The following BAZ1A variants were observed in gnomAD, a reference collection of about 807,000 sequenced individuals.
BAZ1A encodes the protein bromodomain adjacent to zinc finger domain protein 1A.
BAZ1A carries 50 observed loss-of-function variants against 185.2 expected under a neutral mutation model. The ratio of observed to expected loss-of-function variants is 0.27; its 90% CI spans 0.22 to 0.34. BAZ1A has a LOEUF of 0.34. Ranked by LOEUF, BAZ1A falls within the 10% of genes least tolerant of loss-of-function variation. The pLI is 1.00. For synonymous variants in BAZ1A, 571 were observed against 615.6 expected (o/e 0.93, Z 1.07); for missense variants, 1,356 against 1,839.9 (o/e 0.74, Z 4.81).
intron 3 of BAZ1A, among the ~76,000 whole-genome samples, chr14:34,853,911 T>C (rs543469424): frequency 3.9e-5 from 6 of 152,264 alleles, no homozygotes; most frequent in Non-Finnish European, 5.9e-5. Flanking sequence ...ATCTGATTTC[T>C]CTGTAATTCT....
rs904610386 is a variant in BAZ1A at position 34,826,109 on chromosome 14, C to G, written c.440G>C (p.Gly147Ala). 1.9e-6 allele frequency: 3 copies of G among 1,612,708 alleles called. No individual in the cohort carries two copies. Among genetic ancestry groups the G allele is most frequent in the Non-Finnish European group, 2.5e-6 (3 of 1,179,382 alleles). ...ACTGTTAACATGTCCATTAGCAAAA[C>G]CATTTTGATGTGATGGAGGGAGGAC... ...LEVLPPSHQN[G>A]FANGHVNSVD... The change falls in exon 4 of 27, where the codon GGT (glycine) becomes GCT (alanine). Residue 147 changes from glycine to alanine, a missense_variant. Physicochemically the swap from Gly to Ala is moderately conservative, Grantham distance 60 (BLOSUM62 0). This residue lies in a region of BAZ1A where 332 missense variants were observed against 395.3 expected (regional missense o/e 0.84). Coordinates refer to ENST00000360310, the MANE Select transcript of BAZ1A (RefSeq NM_013448.3).
At chr14:34,799,908 C>T (rs1437161440) in intron 9 of BAZ1A, among the ~76,000 whole-genome samples, 1 of 152,064 alleles carries the variant, frequency 6.6e-6, no homozygotes, top group Non-Finnish European at 1.5e-5. Context: ...CTGCACCCGG[C>T]CTATTTTATT....
At chr14:34,777,633 G>T (rs4982209) in intron 17 of BAZ1A, among the ~76,000 whole-genome samples, 14 of 146,814 alleles carry the variant, frequency 9.5e-5, no homozygotes, top group Admixed American at 9.5e-4. Context: ...GATAGAGTGA[G>T]ACTCTGTCTC....
intron 5 of BAZ1A, among the ~76,000 whole-genome samples, chr14:34,809,895 A>ATT (rs1161879390): frequency 1.3e-5 from 2 of 152,190 alleles, no homozygotes; most frequent in Non-Finnish European, 2.9e-5. Flanking sequence ...TAGCCCATAA[A>ATT]CTAAACAAAT....
intron 4 of BAZ1A, among the ~76,000 whole-genome samples, chr14:34,817,033 AAGC>A (rs2138691573): frequency 6.6e-6 from 1 of 152,324 alleles, no homozygotes; most frequent in East Asian, 1.9e-4. Context: ...AAATTATTGA[AAGC>A]AGACACAATA....
At chr14:34,758,230 C>A (rs66682958) in intron 25 of BAZ1A, among the ~76,000 whole-genome samples, 4 of 151,506 alleles carry the variant, frequency 2.6e-5, no homozygotes, top group Admixed American at 1.3e-4. Flanking sequence ...TGCAGCGAAC[C>A]AAAATATGCC....
rs893934772 is a variant in BAZ1A, at chr14:34,784,505, C to T, written c.1832-578G>A. ...AATTTTGTAATTACAAATTGGTTTT[C>T]AAGTTTTTTTTTGTTTGTTTTTGTT... On this transcript the variant is annotated intron_variant, in intron 14 of 26. Coordinates refer to ENST00000360310, the MANE Select transcript of BAZ1A (RefSeq NM_013448.3). Among the ~76,000 whole-genome samples, 60 of 149,296 alleles carry T rather than the reference C, an allele frequency of 4.0e-4. 1 individual carries two copies. In the Middle Eastern group the frequency reaches 0.011, roughly 27 times the overall value.
chr14:34,849,055 T>C (rs2042558677), intron 3 of BAZ1A, among the ~76,000 whole-genome samples: 2 of 152,068 alleles, frequency 1.3e-5, no homozygotes, highest in Admixed American at 1.3e-4. Context: ...TCCCAGCACT[T>C]TCAGGAGGCT....
intron 23 of BAZ1A, among the ~76,000 whole-genome samples, chr14:34,764,030 AG>A (rs1312549221): frequency 6.6e-6 from 1 of 152,164 alleles, no homozygotes; most frequent in Non-Finnish European, 1.5e-5. Flanking sequence ...CTGCCACAGA[AG>A]GAATATCCAG....
At chr14:34,825,447 C>CAAAAAAAAAAAA (rs35449855) in intron 4 of BAZ1A, among the ~76,000 whole-genome samples, 22 of 55,424 alleles carry the variant, frequency 4.0e-4, no homozygotes, top group Non-Finnish European at 5.7e-4. Context: ...AACTCTGTCT[C>CAAAAAAAAAAAA]AAAAAAAAAA....
In BAZ1A at chr14:34,875,315, C is replaced by G; in HGVS notation, c.-236G>C. 1 of 456,030 alleles carries G rather than the reference C, an allele frequency of 2.2e-6. No homozygotes were observed. Among genetic ancestry groups the G allele is most frequent in the Non-Finnish European group, 4.4e-6 (1 of 226,760 alleles). The allele number at this position is 456,030 out of a possible 1,614,324, so 28.2% of individuals were successfully genotyped here. A position where few individuals can be genotyped will look rare whatever the true frequency, so the allele number is the denominator to read the frequency against. On this transcript the variant is annotated 5_prime_UTR_variant, in exon 1 of 27. Coordinates refer to ENST00000360310, the MANE Select transcript of BAZ1A (RefSeq NM_013448.3). Reference sequence around the variant, plus strand: ...TTGCGTCCCACCGCCACTTCCCCGCCTCTCGGAGCTCCTGGGAAGTTTCTG... The same window carrying G: ...TTGCGTCCCACCGCCACTTCCCCGCGTCTCGGAGCTCCTGGGAAGTTTCTG...
intron 2 of BAZ1A, among the ~76,000 whole-genome samples, chr14:34,873,424 C>A (rs920100600): frequency 1.3e-5 from 2 of 152,210 alleles, no homozygotes; most frequent in African/African-American, 2.4e-5. Flanking sequence ...CTAAAACACA[C>A]CCCCTTGCTC....
intron 21 of BAZ1A, chr14:34,768,582 G>T: frequency 4.0e-6 from 1 of 249,062 alleles, no homozygotes; most frequent in Non-Finnish European, 8.0e-6. Context: ...CAAATCCAAG[G>T]TTTTCCTTCA....
intron 3 of BAZ1A, among the ~76,000 whole-genome samples, chr14:34,853,766 G>A (rs532800141): frequency 2.4e-4 from 37 of 152,270 alleles, no homozygotes; most frequent in Non-Finnish European, 4.6e-4. Flanking sequence ...CAGCCAGGGC[G>A]ACAGAGCAAG....
chr14:34,774,024 CA>C (rs1251765406), intron 19 of BAZ1A, among the ~76,000 whole-genome samples: 1 of 152,110 alleles, frequency 6.6e-6, no homozygotes, highest in Non-Finnish European at 1.5e-5. Flanking sequence ...AATACATTAT[CA>C]GCCATGAATT....
At chr14:34,794,962 T>C in intron 10 of BAZ1A, 75 bp from the exon 11 acceptor site, 1 of 1,544,436 alleles carries the variant, frequency 6.5e-7, no homozygotes, top group Non-Finnish European at 8.7e-7. Context: ...TGACATACTT[T>C]TTACCTAACT....
At position 34,774,506 on chromosome 14, in the gene BAZ1A, A is replaced by G; in HGVS notation, c.2834-16T>C. 6.5e-7 allele frequency: 1 copy of G among 1,535,216 alleles called. No individual in the cohort carries two copies. The highest frequency in any genetic ancestry group is 8.8e-7 in the Non-Finnish European group (1 of 1,142,160). On this transcript the variant is annotated splice_polypyrimidine_tract_variant and intron_variant, in intron 18 of 26. Transcript: ENST00000360310. ...TGAGGTTTGTCTGAAATAGTAATCA[A>G]ATACTTTTATTATGATTTTCTTATT... is the stretch of plus-strand genomic sequence containing the variant.
chr14:34,756,731 T>C (rs1051273556), intron 25 of BAZ1A, among the ~76,000 whole-genome samples: 7 of 151,754 alleles, frequency 4.6e-5, no homozygotes, highest in African/African-American at 1.7e-4. Context: ...TCCCAAAGTG[T>C]TGGGATTACA....
At position 34,874,749 on chromosome 14, in the gene BAZ1A, G is replaced by A; in HGVS notation, c.-58-87C>T. ...CCGGTCCGCGCGCTGGGAGAAGCTCGGCTGCCTTTTGTGTGACTGACGCGC... is the reference window on the plus strand; with the variant it reads ...CCGGTCCGCGCGCTGGGAGAAGCTCAGCTGCCTTTTGTGTGACTGACGCGC... On this transcript the variant is annotated intron_variant, in intron 1 of 26. Coordinates refer to ENST00000360310, the MANE Select transcript of BAZ1A (RefSeq NM_013448.3). This position sits in a 1 kb window ranked among gnomAD's most constrained non-coding sequence, Gnocchi z 4.7. 3.3e-6 allele frequency: 2 copies of A among 601,180 alleles called. No homozygotes were observed. Among genetic ancestry groups the A allele is most frequent in the Non-Finnish European group, 5.6e-6 (2 of 359,106 alleles). 37.2% of individuals were successfully genotyped at this position (601,180 alleles called of 1,614,324 possible).
Sources: allele counts gnomAD v4.1 joint callset (sites outside exome capture counted in the v4.1 genomes callset), GRCh38; gene constraint gnomAD v4.1.1; regional missense constraint gnomAD v4.1.1; non-coding constraint Gnocchi (gnomAD v3.1); transcripts MANE v1.5; gene names NCBI Gene and HGNC (gene_info 2026-07-23, HGNC 2026-07-21).